SORBS2: variants seen among roughly 807,000 people sequenced by gnomAD.
The protein encoded by SORBS2 is sorbin and SH3 domain-containing protein 2.
Under a neutral mutation model 97.7 loss-of-function variants are expected in SORBS2, and 46 were observed. That is an observed-to-expected ratio of 0.47 (90% CI 0.37 to 0.60). SORBS2 has a LOEUF of 0.60. Among genes scored for constraint, SORBS2 ranks in the 20% least tolerant of loss-of-function variants. The pLI is 0.00. For missense variants in SORBS2, 1,316 were observed against 1,282.3 expected (o/e 1.03, Z -0.40); for synonymous variants, 476 against 473.4 (o/e 1.01, Z -0.07).
At chr4:185,725,764 T>C (rs1043507401) in intron 2 of SORBS2, among the ~76,000 whole-genome samples, 8 of 152,130 alleles carry the variant, frequency 5.3e-5, no homozygotes, top group Non-Finnish European at 1.0e-4. Context: ...TGTCCCTAGT[T>C]CTCCCCCTAA....
intron 7 of SORBS2, among the ~76,000 whole-genome samples, chr4:185,622,316 G>A (rs2096731120): frequency 6.6e-6 from 1 of 152,094 alleles, no homozygotes; most frequent in Non-Finnish European, 1.5e-5. Flanking sequence ...TGGTGGAAAT[G>A]GGACTTTTAT....
intron 13 of SORBS2, among the ~76,000 whole-genome samples, chr4:185,590,062 T>C (rs1006486842): frequency 6.6e-6 from 1 of 152,236 alleles, no homozygotes; most frequent in Non-Finnish European, 1.5e-5. Context: ...CATTCATAAA[T>C]TGGATTAAAA....
intron 1 of SORBS2, among the ~76,000 whole-genome samples, chr4:185,804,949 C>T (rs989852113): frequency 2.6e-5 from 4 of 151,942 alleles, no homozygotes; most frequent in Non-Finnish European, 5.9e-5. Context: ...ATTCTAAAGC[C>T]TTAAAATGAA....
intron 2 of SORBS2, among the ~76,000 whole-genome samples, chr4:185,728,345 C>T (rs1257073947): frequency 1.3e-5 from 2 of 152,142 alleles, no homozygotes; most frequent in Admixed American, 6.5e-5. Flanking sequence ...TTTTGGCTTG[C>T]CCCAAAAACC....
intron 1 of SORBS2, among the ~76,000 whole-genome samples, chr4:185,952,762 T>TA (rs201413790): frequency 0.01 from 1,541 of 152,252 alleles, 34 homozygotes; most frequent in African/African-American, 0.035. Context: ...TGGCAAAAAA[T>TA]AAAAAATGTT....
intron 2 of SORBS2, among the ~76,000 whole-genome samples, chr4:185,691,992 C>T (rs2098107214): frequency 6.6e-6 from 1 of 152,194 alleles, no homozygotes; most frequent in Non-Finnish European, 1.5e-5. Flanking sequence ...TGTGATCCGC[C>T]CGCCTCGGCC....
At chr4:185,602,256 C>T (rs1313491114) in intron 12 of SORBS2, among the ~76,000 whole-genome samples, 1 of 152,190 alleles carries the variant, frequency 6.6e-6, no homozygotes, top group Non-Finnish European at 1.5e-5. Flanking sequence ...GATCCACCCA[C>T]CTTGGCCTCT....
At chr4:185,718,042 C>A (rs1214292751) in intron 2 of SORBS2, among the ~76,000 whole-genome samples, 1 of 152,118 alleles carries the variant, frequency 6.6e-6, no homozygotes, top group African/African-American at 2.4e-5. Context: ...AACAGCCTGG[C>A]CAACATGGTG....
chr4:185,939,761 C>T (rs11736205), intron 1 of SORBS2, among the ~76,000 whole-genome samples: 46,980 of 152,024 alleles, frequency 0.31, 8,826 homozygotes, highest in East Asian at 0.57. Context: ...CTGCCCGCCT[C>T]GGCCTCCCAA....
At chr4:185,888,763 C>T (rs930607795) in intron 1 of SORBS2, among the ~76,000 whole-genome samples, 2 of 152,202 alleles carry the variant, frequency 1.3e-5, no homozygotes, top group African/African-American at 4.8e-5. Flanking sequence ...CCACCCCAAC[C>T]CGCATGACTG....
At chr4:185,841,930 G>A (rs2099211800) in intron 1 of SORBS2, among the ~76,000 whole-genome samples, 1 of 152,160 alleles carries the variant, frequency 6.6e-6, no homozygotes, top group African/African-American at 2.4e-5. Context: ...CAGGTGGACG[G>A]TGAATTAGAA....
rs759267340 is a variant in SORBS2 at position 185,623,156 on chromosome 4, T to C, written c.1973A>G (p.Asn658Ser). The change falls in exon 7 of 15, where the codon AAC (asparagine) becomes AGC (serine). Residue 658 changes from asparagine (N) to serine (S), a missense_variant. Asn to Ser is a conservative substitution (Grantham distance 46). Coordinates refer to ENST00000418609, the Ensembl canonical transcript of SORBS2. The surrounding 1 kb of genome is among the most constrained non-coding windows in gnomAD (Gnocchi z 6.4). Reference sequence around the variant, plus strand: ...ACTGATGAGGCGGTGCAGGATGCTGTTGTCCGGCAAGCTCCCCCTTTTCTT... The same window carrying C: ...ACTGATGAGGCGGTGCAGGATGCTGCTGTCCGGCAAGCTCCCCCTTTTCTT... The C allele has an allele frequency of 6.2e-7, 1 of 1,614,168 alleles. No individual in the cohort carries two copies. The highest frequency in any genetic ancestry group is 8.5e-7 in the Non-Finnish European group (1 of 1,180,020).
chr4:185,884,767 G>T (rs2149786371), intron 1 of SORBS2, among the ~76,000 whole-genome samples: 1 of 152,338 alleles, frequency 6.6e-6, no homozygotes, highest in African/African-American at 2.4e-5. Context: ...CTTATATGGA[G>T]TCGGTGTATT....
intron 2 of SORBS2, chr4:185,761,368 A>G (rs1224690535): frequency 1.3e-5 from 2 of 152,276 alleles, no homozygotes; most frequent in African/African-American, 2.4e-5. Context: ...AGAAGCAAAT[A>G]CAACAATATC....
chr4:185,692,229 C>A (rs560328490), intron 2 of SORBS2, among the ~76,000 whole-genome samples: 13 of 152,156 alleles, frequency 8.5e-5, no homozygotes, highest in Non-Finnish European at 1.8e-4. Flanking sequence ...CCTGAGTGGG[C>A]CTGTTGTTGA....
intron 1 of SORBS2, among the ~76,000 whole-genome samples, chr4:185,841,551 C>T (rs1427131144): frequency 1.3e-5 from 2 of 152,098 alleles, no homozygotes; most frequent in Non-Finnish European, 2.9e-5. Flanking sequence ...TGGAGGTCCC[C>T]AAGAAAGATG....
At chr4:185,691,253 C>T (rs2098088057) in intron 2 of SORBS2, among the ~76,000 whole-genome samples, 1 of 151,894 alleles carries the variant, frequency 6.6e-6, no homozygotes, top group Non-Finnish European at 1.5e-5. Flanking sequence ...GGCTGGAGTG[C>T]AGTTGGTGTG....
chr4:185,748,921 A>G (rs2153596033), intron 2 of SORBS2, among the ~76,000 whole-genome samples: 1 of 152,322 alleles, frequency 6.6e-6, no homozygotes, highest in East Asian at 1.9e-4. Flanking sequence ...GGCCCCATTT[A>G]CAATATTCTT....
intron 1 of SORBS2, among the ~76,000 whole-genome samples, chr4:185,878,044 C>A (rs1186932263): frequency 6.6e-6 from 1 of 151,862 alleles, no homozygotes; most frequent in Non-Finnish European, 1.5e-5. Context: ...TGTTAAAAGC[C>A]TTGAGGATTT....
Sources: gnomAD v4.1 joint callset for allele counts (sites outside exome capture counted in the v4.1 genomes callset) on GRCh38, gnomAD v4.1.1 for gene constraint, Gnocchi (gnomAD v3.1) non-coding constraint, MANE v1.5 for transcripts, NCBI Gene and HGNC (gene_info 2026-07-23, HGNC 2026-07-21) for gene names.